Variants in NAP1L4 observed in about 807,000 individuals in gnomAD.
The protein encoded by NAP1L4 is nucleosome assembly protein 1 like 4, also known as nucleosome assembly protein 1-like 4.
In NAP1L4, 15 loss-of-function variants were observed where a neutral mutation model predicts 58.2. The observed-to-expected ratio is 0.26, with a 90% CI of 0.17 to 0.40. The LOEUF (loss-of-function observed/expected upper bound fraction) is 0.40. NAP1L4 is among the 10% of genes least tolerant of loss of function. The pLI is 1.00. For missense variants in NAP1L4, 384 were observed against 451.1 expected, an observed-to-expected ratio of 0.85 and a Z score of 1.35; for synonymous variants, 171 against 155.6, an observed-to-expected ratio of 1.10 and a Z score of -0.74.
chr11:2,974,742 A>G (rs1590254783), intron 4 of NAP1L4, among the ~76,000 whole-genome samples: 1 of 152,340 alleles, frequency 6.6e-6, no homozygotes, highest in East Asian at 1.9e-4. Context: ...CTAAAAATAC[A>G]AAAACAAAAC....
At chr11:2,973,580 A>G (rs1847771341) in intron 4 of NAP1L4, among the ~76,000 whole-genome samples, 1 of 152,092 alleles carries the variant, frequency 6.6e-6, no homozygotes, top group Non-Finnish European at 1.5e-5. Flanking sequence ...CCAAAGGACC[A>G]CTCTCCTGGG....
At position 2,948,542 on chromosome 11, in the gene NAP1L4, C is replaced by T. The variant is rs11821896; in HGVS notation, c.*32+685G>A. On this transcript the variant is annotated intron_variant, in intron 15 of 15. Coordinates refer to ENST00000380542, the MANE Select transcript of NAP1L4 (RefSeq NM_005969.4). This position sits in a 1 kb window ranked among gnomAD's most constrained non-coding sequence, Gnocchi z 5.1. ...CTCCTGTCAGCATTCCAGGACAGGGCAGAGCTACAGGGACTGAAGAAAGTG... is the reference window on the plus strand; with the variant it reads ...CTCCTGTCAGCATTCCAGGACAGGGTAGAGCTACAGGGACTGAAGAAAGTG... 0.058 allele frequency among the ~76,000 whole-genome samples: 8,855 copies of T among 152,194 alleles called. 874 individuals are homozygous for T. Among genetic ancestry groups the T allele is most frequent in the African/African-American group, 0.2 (8,367 of 41,476 alleles).
At chr11:2,969,294 T>A (rs746929892) in intron 7 of NAP1L4, among the ~76,000 whole-genome samples, 1 of 151,682 alleles carries the variant, frequency 6.6e-6, no homozygotes, top group Non-Finnish European at 1.5e-5. Flanking sequence ...TTAAAAAAAA[T>A]AGACACTTTT....
chr11:2,970,459 G>A (rs1404080405), intron 6 of NAP1L4, among the ~76,000 whole-genome samples: 1 of 152,128 alleles, frequency 6.6e-6, no homozygotes, highest in East Asian at 1.9e-4. Flanking sequence ...AGTATCTGCA[G>A]CAAGAAAGTG....
In NAP1L4 at chr11:2,954,593, GAA is replaced by G. The variant is rs1846418831; in HGVS notation, c.967_968del (p.Phe323ProfsTer2). ...LASDFEIGHF[F>X]RERIVPRAVL... ...CAGCCCGCGGGACTATCCGCTCACG[GAA>G]AAAGTGTCCAATTTCAAAATCAGAG... On this transcript the variant is annotated frameshift_variant, in exon 12 of 16. Transcript: ENST00000380542. LOFTEE classifies it high-confidence loss of function. The surrounding 1 kb of genome is among the most constrained non-coding windows in gnomAD (Gnocchi z 4.8). The G allele has an allele frequency of 1.2e-6, 2 of 1,614,140 alleles. No homozygotes were observed. The highest frequency in any genetic ancestry group is 1.7e-6 in the Non-Finnish European group (2 of 1,180,036).
chr11:2,978,115 T>C (rs1016418231), intron 3 of NAP1L4, among the ~76,000 whole-genome samples, 169 bp downstream of exon 3: 1 of 152,222 alleles, frequency 6.6e-6, no homozygotes, highest in African/African-American at 2.4e-5. Flanking sequence ...TCTGAATTCC[T>C]ATAATAAATA....
rs370527709 is a variant in NAP1L4 at position 2,958,434 on chromosome 11, T to A, written c.857A>T (p.Asn286Ile). ...TVRTITKQVP[N>I]ESFFNFFNPL... ...ATTGAAGAAGTTGAAAAAGGACTCA[T>A]TGGGTACTTGTTTCGTAATTGTTCT... The change falls in exon 10 of 16, where the codon AAT becomes ATT. Residue 286 changes from asparagine to isoleucine, a missense_variant. By Grantham distance (149) the Asn-to-Ile change is moderately radical. Coordinates refer to ENST00000380542, the MANE Select transcript of NAP1L4 (RefSeq NM_005969.4). 2.5e-4 allele frequency: 406 copies of A among 1,614,108 alleles called. 1 individual carries two copies. Among genetic ancestry groups the A allele is most frequent in the Non-Finnish European group, 3.3e-4 (391 of 1,180,048 alleles).
chr11:2,945,911 T>C (rs1169599038), intron 15 of NAP1L4, among the ~76,000 whole-genome samples: 2 of 152,056 alleles, frequency 1.3e-5, no homozygotes, highest in African/African-American at 4.8e-5. Flanking sequence ...GTTTTGGGGC[T>C]CCTTGGGGTG....
At chr11:2,952,150 A>G (rs1306527274) in intron 12 of NAP1L4, 3 of 362,310 alleles carry the variant, frequency 8.3e-6, no homozygotes, top group African/African-American at 6.2e-5. Context: ...TTGTAAACCG[A>G]TGAATTTGTT....
chr11:2,945,610 A>ACTG lies in NAP1L4; in HGVS notation c.*66_*68dup. On this transcript the variant is annotated 3_prime_UTR_variant, in exon 16 of 16. Transcript: ENST00000380542. ...TGCCAGGCACCCGCCTCCGCTTCCT[A>ACTG]CTGCTGCTTGCATTCCGCCGGCTGG... is the stretch of plus-strand genomic sequence containing the variant. 6.5e-7 allele frequency: 1 copy of ACTG among 1,536,010 alleles called. No homozygotes were observed. Among genetic ancestry groups the ACTG allele is most frequent in the Non-Finnish European group, 8.7e-7 (1 of 1,146,856 alleles).
At chr11:2,992,066 C>A in intron 1 of NAP1L4, 188 bp downstream of exon 1, 1 of 152,054 alleles carries the variant, frequency 6.6e-6, no homozygotes, top group South Asian at 1.8e-4. Context: ...GCCCCAAGCC[C>A]CAGGCCCCGC....
intron 10 of NAP1L4, among the ~76,000 whole-genome samples, chr11:2,956,924 T>C (rs1312688787): frequency 6.6e-6 from 1 of 152,222 alleles, no homozygotes; most frequent in Non-Finnish European, 1.5e-5. Flanking sequence ...CACTTACCAT[T>C]TGGTATTATG....
Position 2,955,654 on chromosome 11 carries a change from G to T in NAP1L4, c.915+90C>A. On this transcript the variant is annotated intron_variant, in intron 11 of 15. Coordinates refer to ENST00000380542, the MANE Select transcript of NAP1L4 (RefSeq NM_005969.4). The surrounding 1 kb of genome is among the most constrained non-coding windows in gnomAD (Gnocchi z 4.2). ...GGCATACCCAGTCCACACACAGCCA[G>T]GACTGGACTTTTTTTAACAAGTAGA... is the stretch of plus-strand genomic sequence containing the variant. The T allele has an allele frequency of 7.5e-7, 1 of 1,338,554 alleles. No individual in the cohort carries two copies. The highest frequency in any genetic ancestry group is 1.1e-6 in the Non-Finnish European group (1 of 942,392). The allele number at this position is 1,338,554 out of a possible 1,614,324, so 82.9% of individuals were successfully genotyped here. A position where few individuals can be genotyped will look rare whatever the true frequency, so the allele number is the denominator to read the frequency against.
intron 3 of NAP1L4, among the ~76,000 whole-genome samples, chr11:2,976,393 C>G (rs1014421725): frequency 2.6e-4 from 39 of 152,186 alleles, no homozygotes; most frequent in African/African-American, 8.9e-4. Context: ...AGGACTGTGG[C>G]TGTTTAAGCA....
intron 1 of NAP1L4, among the ~76,000 whole-genome samples, chr11:2,986,620 T>C (rs565043067): frequency 1.7e-5 from 2 of 119,970 alleles, no homozygotes; most frequent in Admixed American, 1.1e-4. Context: ...TTAGGGATGG[T>C]AGTAAATTTT....
At chr11:2,972,271 T>C (rs1847682393) in intron 4 of NAP1L4, 28 bp from the exon 5 acceptor site, 1 of 1,564,658 alleles carries the variant, frequency 6.4e-7, no homozygotes, top group East Asian at 2.3e-5. Context: ...AAATACAACA[T>C]CCTCATGCCT....
chr11:2,973,731 C>G (rs1847782331), intron 4 of NAP1L4, among the ~76,000 whole-genome samples: 1 of 152,190 alleles, frequency 6.6e-6, no homozygotes, highest in African/African-American at 2.4e-5. Flanking sequence ...AAATGGTAGA[C>G]TCCCACTGCC....
rs1453756592 is a variant in NAP1L4 at position 2,946,403 on chromosome 11, G to C, written c.*33-757C>G. Among the ~76,000 whole-genome samples the C allele has an allele frequency of 6.6e-6, 1 of 152,158 alleles. No individual in the cohort carries two copies. Among genetic ancestry groups the C allele is most frequent in the Non-Finnish European group, 1.5e-5 (1 of 68,038 alleles). Reference sequence around the variant, plus strand: ...TCTTGTACCCTTTAAACCACATCCAGCAACTCCATGAATTTGTGTGGAGGC... The same window carrying C: ...TCTTGTACCCTTTAAACCACATCCACCAACTCCATGAATTTGTGTGGAGGC... On this transcript the variant is annotated intron_variant, in intron 15 of 15. Coordinates refer to ENST00000380542, the MANE Select transcript of NAP1L4 (RefSeq NM_005969.4). The surrounding 1 kb of genome is among the most constrained non-coding windows in gnomAD (Gnocchi z 4.8).
intron 8 of NAP1L4, chr11:2,963,959 T>C (rs996686199): frequency 2.0e-6 from 1 of 510,128 alleles, no homozygotes; most frequent in Non-Finnish European, 3.9e-6. Flanking sequence ...ATATGGTTCC[T>C]CAGATAAAAG....
Sources: gnomAD v4.1 joint callset for allele counts (sites outside exome capture counted in the v4.1 genomes callset) on GRCh38, gnomAD v4.1.1 for gene constraint, Gnocchi (gnomAD v3.1) non-coding constraint, MANE v1.5 for transcripts, NCBI Gene and HGNC (gene_info 2026-07-23, HGNC 2026-07-21) for gene names.